Variants in TNNT3 observed in about 807,000 individuals in gnomAD.
TNNT3 encodes troponin T3, fast skeletal type, also known as troponin T, fast skeletal muscle.
Under a neutral mutation model 54.2 loss-of-function variants are expected in TNNT3, and 36 were observed. The ratio of observed to expected loss-of-function variants is 0.66; its 90% CI spans 0.51 to 0.88. The LOEUF is 0.88. Ranked by LOEUF, TNNT3 falls within the 40% of genes least tolerant of loss-of-function variation. The pLI, the probability that TNNT3 is intolerant of heterozygous loss-of-function variation, is 0.00. For missense variants in TNNT3, 291 were observed against 331.6 expected (o/e 0.88, Z 0.95); for synonymous variants, 120 against 109.7 (o/e 1.09, Z -0.59).
At position 1,932,397 on chromosome 11, in the gene TNNT3, G is replaced by A. The variant is rs375558570; in HGVS notation, c.126-72G>A. ...ACCAGGGTTGGCAGGGGCCAGCGGGGAAAGCGCCAGGCTGACCCTCTGGGG... is the reference window on the plus strand; with the variant it reads ...ACCAGGGTTGGCAGGGGCCAGCGGGAAAAGCGCCAGGCTGACCCTCTGGGG... On this transcript the variant is annotated intron_variant, in intron 8 of 15. Coordinates refer to ENST00000278317, the MANE Select transcript of TNNT3 (RefSeq NM_006757.4). 1.4e-4 allele frequency: 208 copies of A among 1,505,276 alleles called. 5 individuals carry two copies. In the East Asian group the frequency reaches 2.0e-3, roughly 14 times the overall value. The allele number at this position is 1,505,276 out of a possible 1,614,324, so 93.2% of individuals were successfully genotyped here. A position where few individuals can be genotyped will look rare whatever the true frequency, so the allele number is the denominator to read the frequency against.
At chr11:1,933,100 C>T (rs1168306489) in intron 9 of TNNT3, among the ~76,000 whole-genome samples, 1 of 149,716 alleles carries the variant, frequency 6.7e-6, no homozygotes, top group African/African-American at 2.5e-5. Context: ...ACTCACATAA[C>T]CATCCACTCA....
Position 1,934,825 on chromosome 11 carries a change from C to T in TNNT3, c.591-4C>T, listed in dbSNP as rs1453375606. On this transcript the variant is annotated splice_polypyrimidine_tract_variant and splice_region_variant and intron_variant, in intron 13 of 15. Coordinates refer to ENST00000278317, the MANE Select transcript of TNNT3 (RefSeq NM_006757.4). ...ACGAAGCCTCACCACTTCCTCTGCC[C>T]CAGGGACAAGGCCAAGGAGCTCTGG... The T allele has an allele frequency of 1.2e-6, 2 of 1,613,170 alleles. No individual in the cohort carries two copies. The highest frequency in any genetic ancestry group is 8.5e-7 in the Non-Finnish European group (1 of 1,179,972).
intron 8 of TNNT3, 137 bp downstream of exon 8, chr11:1,929,965 C>T (rs746602543): frequency 9.0e-6 from 11 of 1,216,884 alleles, no homozygotes; most frequent in Non-Finnish European, 1.3e-5. Context: ...GGGGTCCTGG[C>T]AGGCCCAGCG....
chr11:1,936,579 C>G (rs938698785), intron 14 of TNNT3, among the ~76,000 whole-genome samples: 1 of 152,208 alleles, frequency 6.6e-6, no homozygotes, highest in Non-Finnish European at 1.5e-5. Context: ...CTGAGCTCAG[C>G]GGCTGAAGGG....
intron 14 of TNNT3, chr11:1,936,115 C>T: frequency 1.4e-6 from 2 of 1,409,204 alleles, no homozygotes; most frequent in South Asian, 1.2e-5. Context: ...CCCAGGGGCT[C>T]CAGAGCCTGG....
chr11:1,928,035 G>C (rs1021922314), intron 6 of TNNT3: 1 of 152,410 alleles, frequency 6.6e-6, no homozygotes, highest in Non-Finnish European at 1.5e-5. Context: ...CCAGGCAACC[G>C]AGGTATCTGC....
Position 1,934,544 on chromosome 11 carries a change from A to G in TNNT3, c.481-2A>G, listed in dbSNP as rs1042744302. The G allele has an allele frequency of 5.0e-6, 8 of 1,608,826 alleles. No individual in the cohort carries two copies. Among genetic ancestry groups the G allele is most frequent in the Non-Finnish European group, 6.8e-6 (8 of 1,177,930 alleles). On this transcript the variant is annotated splice_acceptor_variant, in intron 12 of 15. Coordinates refer to ENST00000278317, the MANE Select transcript of TNNT3 (RefSeq NM_006757.4). LOFTEE classifies it high-confidence loss of function. ...CCCTCTCTTTGGGCCTGTCCGCTGC[A>G]GGCTGACCAGAAGAGAGGCAAGAAG...
chr11:1,938,556 G>A lies in TNNT3; in HGVS notation c.*64G>A. 2.0e-6 allele frequency: 3 copies of A among 1,520,506 alleles called. No homozygotes were observed. The highest frequency in any genetic ancestry group is 2.7e-6 in the Non-Finnish European group (3 of 1,102,166). 94.2% of individuals were successfully genotyped at this position (1,520,506 alleles called of 1,614,324 possible). ...CCTCTTGCACACCAGGGCCGCTCGT[G>A]GGACTCCACATCCTCCAGCCCCCAC... On this transcript the variant is annotated 3_prime_UTR_variant, in exon 16 of 16. Coordinates refer to ENST00000278317, the MANE Select transcript of TNNT3 (RefSeq NM_006757.4).
At chr11:1,938,214 G>A (rs889460770) in intron 15 of TNNT3, 9 of 594,744 alleles carry the variant, frequency 1.5e-5, no homozygotes, top group East Asian at 1.2e-4. Flanking sequence ...AGGGTGCCCC[G>A]GGCTCACGTG....
At chr11:1,930,977 T>A (rs554447575) in intron 8 of TNNT3, among the ~76,000 whole-genome samples, 2 of 152,338 alleles carry the variant, frequency 1.3e-5, no homozygotes, top group East Asian at 3.9e-4. Context: ...AAAAGCCTTA[T>A]TTCTTCCTTT....
intron 7 of TNNT3, among the ~76,000 whole-genome samples, chr11:1,929,523 G>A (rs1852691540): frequency 6.6e-6 from 1 of 152,178 alleles, no homozygotes; most frequent in African/African-American, 2.4e-5. Flanking sequence ...AGCCTTCAAG[G>A]ACGCGGCCTG....
At chr11:1,922,722 A>G (rs919820514) in intron 1 of TNNT3, 135 bp from the exon 2 acceptor site, 1 of 822,650 alleles carries the variant, frequency 1.2e-6, no homozygotes, top group African/African-American at 1.7e-5. Context: ...ACCCAAGGCC[A>G]GAGCTGGCCC....
intron 3 of TNNT3, 84 bp from the exon 4 acceptor site, chr11:1,923,471 G>C: frequency 2.0e-6 from 3 of 1,473,742 alleles, no homozygotes; most frequent in Non-Finnish European, 2.9e-6. Context: ...CCAGGGCCGG[G>C]ACACACTGGC....
At chr11:1,931,448 C>T (rs930152757) in intron 8 of TNNT3, among the ~76,000 whole-genome samples, 3 of 152,234 alleles carry the variant, frequency 2.0e-5, no homozygotes, top group East Asian at 1.9e-4. Flanking sequence ...GGGACAGGAA[C>T]GTGCTTTTAC....
intron 5 of TNNT3, among the ~76,000 whole-genome samples, chr11:1,925,690 A>G (rs1384084314): frequency 6.6e-6 from 1 of 152,040 alleles, no homozygotes; most frequent in Non-Finnish European, 1.5e-5. Flanking sequence ...GATGGCACAG[A>G]GTGAGGGGAG....
intron 4 of TNNT3, 28 bp downstream of exon 4, chr11:1,923,600 C>G (rs1386327946): frequency 6.7e-7 from 1 of 1,493,230 alleles, no homozygotes; most frequent in Non-Finnish European, 9.1e-7. Context: ...CGGAAGCCCC[C>G]CCAGCCCCTC....
intron 9 of TNNT3, 33 bp from the exon 10 acceptor site, chr11:1,933,688 G>C: frequency 6.4e-7 from 1 of 1,551,978 alleles, no homozygotes; most frequent in Non-Finnish European, 8.9e-7. Flanking sequence ...TGGAGAGAGG[G>C]GTGGGGCTCA....
chr11:1,925,070 C>G (rs2133282374), intron 4 of TNNT3, 29 bp from the exon 5 acceptor site: 1 of 1,612,094 alleles, frequency 6.2e-7, no homozygotes, highest in Non-Finnish European at 8.5e-7. Context: ...ACCCCGCCTT[C>G]TCCTGCTCCT....
intron 6 of TNNT3, 26 bp downstream of exon 6, chr11:1,926,735 G>C (rs1366724930): frequency 6.2e-7 from 1 of 1,613,126 alleles, no homozygotes; most frequent in Admixed American, 1.7e-5. Flanking sequence ...CCCGCCTCCA[G>C]GCCAGAGTCT....
Sources: allele counts gnomAD v4.1 joint callset (sites outside exome capture counted in the v4.1 genomes callset), GRCh38; gene constraint gnomAD v4.1.1; transcripts MANE v1.5; gene names NCBI Gene and HGNC (gene_info 2026-07-23, HGNC 2026-07-21).